ZNF385B: variants seen among roughly 807,000 people sequenced by gnomAD.
ZNF385B encodes zinc finger protein 385B.
Under a neutral mutation model 39.2 loss-of-function variants are expected in ZNF385B, and 23 were observed. The observed-to-expected ratio is 0.59, with a 90% CI of 0.42 to 0.83. The LOEUF (loss-of-function observed/expected upper bound fraction) is 0.83, where lower values mean the gene tolerates loss of function less well. Ranked by LOEUF, ZNF385B falls within the 40% of genes least tolerant of loss-of-function variation. The pLI is 0.00. For missense variants in ZNF385B, 552 were observed against 598.9 expected (o/e 0.92, Z 0.82); for synonymous variants, 205 against 222.6 (o/e 0.92, Z 0.70).
chr2:179,689,017 G>A (rs1446878563), intron 3 of ZNF385B, among the ~76,000 whole-genome samples: 13 of 152,214 alleles, frequency 8.5e-5, no homozygotes, highest in Admixed American at 7.9e-4. Flanking sequence ...ATGAGCAGAA[G>A]TGTATGACAT....
At chr2:179,460,964 C>A (rs775114787) in intron 6 of ZNF385B, among the ~76,000 whole-genome samples, 5 of 152,186 alleles carry the variant, frequency 3.3e-5, no homozygotes, top group Non-Finnish European at 7.3e-5. Flanking sequence ...TTGGTTTTAT[C>A]TGTGCAGCAA....
In ZNF385B at chr2:179,587,615, A is replaced by G. The variant is rs77498755; in HGVS notation, c.299-42646T>C. Among the ~76,000 whole-genome samples the G allele has an allele frequency of 1.6e-3, 248 of 152,356 alleles. 1 individual carries two copies. The highest frequency in any genetic ancestry group is 5.7e-3 in the African/African-American group (239 of 41,586). The stretch of plus-strand genomic sequence containing the variant: ...GCTGCATTTTAATAATGCAGAGACT[A>G]TCTCAGATGGAGGCTAATTTCTGTT... On this transcript the variant is annotated intron_variant, in intron 3 of 9. Coordinates refer to ENST00000410066, the MANE Select transcript of ZNF385B (RefSeq NM_152520.6).
At chr2:179,752,873 T>C (rs1207837840) in intron 3 of ZNF385B, among the ~76,000 whole-genome samples, 2 of 151,952 alleles carry the variant, frequency 1.3e-5, no homozygotes, top group Admixed American at 6.6e-5. Context: ...TTTTCTCCCA[T>C]TCTGTGGGTT....
rs2049108422 is a variant in ZNF385B at position 179,443,119 on chromosome 2, G to A, written c.*131C>T. 2 of 950,206 alleles carry A rather than the reference G, an allele frequency of 2.1e-6. No individual in the cohort carries two copies. The highest frequency in any genetic ancestry group is 1.7e-5 in the African/African-American group (1 of 60,288). 58.9% of individuals were successfully genotyped at this position (950,206 alleles called of 1,614,324 possible). ...TGATGTGTTTCTCTCTGGAATTGGG[G>A]GACTGGGTGGTGGGCTGCATTTTGT... On this transcript the variant is annotated 3_prime_UTR_variant, in exon 10 of 10. Transcript: ENST00000410066.
chr2:179,547,332 T>C (rs549845461), intron 3 of ZNF385B, among the ~76,000 whole-genome samples: 1 of 149,622 alleles, frequency 6.7e-6, no homozygotes, highest in Non-Finnish European at 1.5e-5. Flanking sequence ...TTTCACATAG[T>C]AGTTTCATAG....
At chr2:179,779,300 C>G (rs778120347) in intron 1 of ZNF385B, among the ~76,000 whole-genome samples, 10 of 152,118 alleles carry the variant, frequency 6.6e-5, no homozygotes, top group Non-Finnish European at 1.3e-4. Context: ...GGAAGCAAGA[C>G]GAAAGATGGC....
intron 3 of ZNF385B, among the ~76,000 whole-genome samples, chr2:179,577,542 C>G (rs1478071409): frequency 6.6e-6 from 1 of 151,906 alleles, no homozygotes; most frequent in Non-Finnish European, 1.5e-5. Flanking sequence ...CAGTATATTT[C>G]TGGTAGAAAA....
At chr2:179,847,925 A>AT (rs144184561) in intron 1 of ZNF385B, among the ~76,000 whole-genome samples, 3,190 of 152,344 alleles carry the variant, frequency 0.021, 101 homozygotes, top group African/African-American at 0.072. Flanking sequence ...AAAGAAGCCT[A>AT]TAACTAGAGT....
chr2:179,665,455 C>T (rs1695024085), intron 3 of ZNF385B, among the ~76,000 whole-genome samples: 1 of 152,128 alleles, frequency 6.6e-6, no homozygotes, highest in South Asian at 2.1e-4. Flanking sequence ...GTGACAATGC[C>T]ATTTCTACCC....
At chr2:179,701,041 A>G (rs1444883487) in intron 3 of ZNF385B, among the ~76,000 whole-genome samples, 1 of 152,112 alleles carries the variant, frequency 6.6e-6, no homozygotes, top group Non-Finnish European at 1.5e-5. Context: ...CAAAAACAAA[A>G]CAAAAAAACA....
intron 1 of ZNF385B, among the ~76,000 whole-genome samples, chr2:179,793,435 A>G (rs1705463900): frequency 6.6e-6 from 1 of 152,102 alleles, no homozygotes; most frequent in Admixed American, 6.5e-5. Flanking sequence ...TGAAGGAGAG[A>G]CCTGGTGGGA....
At chr2:179,847,263 C>T (rs1450334806) in intron 1 of ZNF385B, among the ~76,000 whole-genome samples, 2 of 152,206 alleles carry the variant, frequency 1.3e-5, no homozygotes, top group African/African-American at 4.8e-5. Context: ...CTATACCCTG[C>T]AGGATAGCAC....
rs748256813 is a variant in ZNF385B at position 179,483,454 on chromosome 2, A to G, written c.553-20T>C. ...CTGGCTCTACAAAGGAGAACAAATC[A>G]GGCTCATTTTTTTGCTAATTACAAA... On this transcript the variant is annotated intron_variant, in intron 5 of 9. Coordinates refer to ENST00000410066, the MANE Select transcript of ZNF385B (RefSeq NM_152520.6). The G allele has an allele frequency of 5.6e-6, 9 of 1,613,062 alleles. No individual in the cohort carries two copies. The African/African-American group carries it at 1.1e-4, about 19-fold the overall frequency.
chr2:179,853,995 T>C (rs181675874), intron 1 of ZNF385B, among the ~76,000 whole-genome samples: 11 of 152,306 alleles, frequency 7.2e-5, no homozygotes, highest in Middle Eastern at 3.4e-3. Flanking sequence ...TCATCAGCAT[T>C]TCCAGATGTC....
chr2:179,445,244 C>G (rs964227054), intron 8 of ZNF385B, among the ~76,000 whole-genome samples: 1 of 152,130 alleles, frequency 6.6e-6, no homozygotes, highest in Admixed American at 6.5e-5. Context: ...AGATTTTGAG[C>G]CTTTGGAAGA....
chr2:179,576,068 C>G, intron 3 of ZNF385B: 1 of 898,042 alleles, frequency 1.1e-6, no homozygotes, highest in Non-Finnish European at 1.3e-6. Flanking sequence ...AACACTTGCC[C>G]CGTACCTCTC....
At chr2:179,588,885 C>CA (rs1470750970) in intron 3 of ZNF385B, among the ~76,000 whole-genome samples, 1 of 152,074 alleles carries the variant, frequency 6.6e-6, no homozygotes, top group Non-Finnish European at 1.5e-5. Flanking sequence ...GCAAATGTCA[C>CA]AAAAAACAAG....
Position 179,745,182 on chromosome 2 carries a change from C to T in ZNF385B, c.298+24321G>A, listed in dbSNP as rs186074557. Among the ~76,000 whole-genome samples the T allele has an allele frequency of 3.4e-3, 522 of 152,154 alleles. 1 individual carries two copies. Among genetic ancestry groups the T allele is most frequent in the South Asian group, 8.5e-3 (41 of 4,816 alleles). On this transcript the variant is annotated intron_variant, in intron 3 of 9. Transcript: ENST00000410066. ...TACTGTTGGTTGTCCAGTACATGACCGGTCATAACTTTTAATTATTAATAA... is the reference window on the plus strand; with the variant it reads ...TACTGTTGGTTGTCCAGTACATGACTGGTCATAACTTTTAATTATTAATAA...
chr2:179,751,337 G>A (rs1314336697), intron 3 of ZNF385B, among the ~76,000 whole-genome samples: 1 of 151,974 alleles, frequency 6.6e-6, no homozygotes, highest in Non-Finnish European at 1.5e-5. Flanking sequence ...TATTGATGTG[G>A]GCAAGGGAGT....
Sources: gnomAD v4.1 joint callset for allele counts (sites outside exome capture counted in the v4.1 genomes callset) on GRCh38, gnomAD v4.1.1 for gene constraint, MANE v1.5 for transcripts, NCBI Gene and HGNC (gene_info 2026-07-23, HGNC 2026-07-21) for gene names.